WDR25: variants seen among roughly 807,000 people sequenced by gnomAD.
The protein encoded by WDR25 is WD repeat-containing protein 25.
In WDR25, 35 loss-of-function variants were observed where a neutral mutation model predicts 47.7. The ratio of observed to expected loss-of-function variants is 0.73; its 90% CI spans 0.56 to 0.97. The LOEUF (loss-of-function observed/expected upper bound fraction) is 0.97. Ranked by LOEUF, WDR25 falls within the 50% of genes least tolerant of loss-of-function variation. WDR25 has a pLI of 0.00. For missense variants in WDR25, 634 were observed against 704.7 expected (o/e 0.90, Z 1.14); for synonymous variants, 248 against 278.9 (o/e 0.89, Z 1.10).
intron 4 of WDR25, among the ~76,000 whole-genome samples, chr14:100,514,036 C>T (rs568755952): frequency 2.0e-5 from 3 of 151,430 alleles, no homozygotes; most frequent in South Asian, 2.1e-4. Context: ...CCCGGGTTCA[C>T]GCCATTCTCC....
rs1901617766 is a variant in WDR25, at chr14:100,519,303, T to G, written c.1102-6567T>G. Among the ~76,000 whole-genome samples the G allele has an allele frequency of 2.0e-5, 3 of 151,240 alleles. No individual in the cohort carries two copies. In the South Asian group the frequency reaches 6.3e-4, roughly 32 times the overall value. ...AGAGAGAGAGAGATGCATAGTGGGT[T>G]TACTCCATTTCAGGTTTACATTAGA... On this transcript the variant is annotated intron_variant, in intron 4 of 6. Coordinates refer to ENST00000402312, the MANE Select transcript of WDR25 (RefSeq NM_001161476.3).
chr14:100,411,537 C>CTT (rs766546637), intron 2 of WDR25, among the ~76,000 whole-genome samples: 129 of 143,108 alleles, frequency 9.0e-4, no homozygotes, highest in African/African-American at 3.0e-3. Flanking sequence ...TTGCTTTTTG[C>CTT]TTTTTTTTTT....
At chr14:100,455,015 T>C (rs1899155753) in intron 2 of WDR25, 1 of 152,182 alleles carries the variant, frequency 6.6e-6, no homozygotes, top group Non-Finnish European at 1.5e-5. Context: ...CCAAAATTCC[T>C]AGATAAAGCA....
chr14:100,463,876 T>C (rs1030660222), intron 2 of WDR25, among the ~76,000 whole-genome samples: 1 of 152,182 alleles, frequency 6.6e-6, no homozygotes, highest in Non-Finnish European at 1.5e-5. Flanking sequence ...CTGTTGGTTC[T>C]ACCCTCCAAG....
intron 2 of WDR25, among the ~76,000 whole-genome samples, chr14:100,382,843 A>G (rs576724904): frequency 3.3e-5 from 5 of 152,302 alleles, no homozygotes; most frequent in South Asian, 2.1e-4. Context: ...TGTGGAGTCT[A>G]GTGTCTCATT....
At chr14:100,394,783 C>T (rs890132057) in intron 2 of WDR25, among the ~76,000 whole-genome samples, 2 of 152,096 alleles carry the variant, frequency 1.3e-5, no homozygotes, top group South Asian at 2.1e-4. Flanking sequence ...GCCAGGATTT[C>T]GGGGCCAGCC....
chr14:100,401,795 G>A (rs1897389730), intron 2 of WDR25, among the ~76,000 whole-genome samples: 1 of 152,212 alleles, frequency 6.6e-6, no homozygotes, highest in African/African-American at 2.4e-5. Flanking sequence ...CTCTGCTCCT[G>A]GGTGGCTCTG....
chr14:100,449,183 T>C lies in WDR25; in HGVS notation c.823-18838T>C, dbSNP rs572517878. Among the ~76,000 whole-genome samples the C allele has an allele frequency of 6.6e-6, 1 of 152,356 alleles. No homozygotes were observed. The highest frequency in any genetic ancestry group is 2.1e-4 in the South Asian group (1 of 4,830). On this transcript the variant is annotated intron_variant, in intron 2 of 6. Transcript: ENST00000402312. This position sits in a 1 kb window ranked among gnomAD's most constrained non-coding sequence, Gnocchi z 4.2. ...CGGAGAGCATCCTTTACTGGGCTTCTGGATGGAATTTTTGGAGCAAAGGGT... is the reference window on the plus strand; with the variant it reads ...CGGAGAGCATCCTTTACTGGGCTTCCGGATGGAATTTTTGGAGCAAAGGGT...
intron 2 of WDR25, among the ~76,000 whole-genome samples, chr14:100,420,620 T>A (rs536197057): frequency 6.6e-6 from 1 of 152,340 alleles, no homozygotes; most frequent in South Asian, 2.1e-4. Flanking sequence ...AATAACTTTT[T>A]AAAAATATAT....
At chr14:100,476,099 A>G (rs1036487588) in intron 3 of WDR25, among the ~76,000 whole-genome samples, 1 of 152,292 alleles carries the variant, frequency 6.6e-6, no homozygotes, top group Non-Finnish European at 1.5e-5. Context: ...TAGCTCTCCT[A>G]CATACATTAT....
intron 2 of WDR25, among the ~76,000 whole-genome samples, chr14:100,435,563 T>C (rs533149130): frequency 1.9e-3 from 292 of 152,298 alleles, no homozygotes; most frequent in Middle Eastern, 3.4e-3. Context: ...TGTCTTGAAG[T>C]GGAGAGAGCC....
intron 2 of WDR25, among the ~76,000 whole-genome samples, chr14:100,423,332 G>A (rs1002675356): frequency 6.6e-6 from 1 of 152,118 alleles, no homozygotes; most frequent in Non-Finnish European, 1.5e-5. Flanking sequence ...GGAAGCTGTC[G>A]GTGGTTGGCA....
In WDR25 at chr14:100,484,049, T is replaced by C. The variant is rs1313352905; in HGVS notation, c.1026T>C (p.His342=). 12 of 1,613,902 alleles carry C rather than the reference T, an allele frequency of 7.4e-6. No homozygotes were observed. The highest frequency in any genetic ancestry group is 1.0e-5 in the Non-Finnish European group (12 of 1,179,948). The change falls in exon 4 of 7, where the codon CAT becomes CAC. Residue 342 remains histidine (H), a synonymous_variant. Coordinates refer to ENST00000402312, the MANE Select transcript of WDR25 (RefSeq NM_001161476.3). Reference sequence around the variant, plus strand: ...TTAGAATCACTACCTTGAAATTCCATCCAAAAGACCACAACATCTTTTTAT... The same window carrying C: ...TTAGAATCACTACCTTGAAATTCCACCCAAAAGACCACAACATCTTTTTAT... The part of the protein sequence containing the change: ...SDFRITTLKF[H]PKDHNIFLCG...
chr14:100,427,311 C>T (rs566325615), intron 2 of WDR25, among the ~76,000 whole-genome samples: 2 of 152,344 alleles, frequency 1.3e-5, no homozygotes, highest in East Asian at 1.9e-4. Flanking sequence ...CACCAGTGTG[C>T]TCCCACTGCC....
At chr14:100,486,634 G>T (rs145767099) in intron 4 of WDR25, among the ~76,000 whole-genome samples, 117 of 152,258 alleles carry the variant, frequency 7.7e-4, no homozygotes, top group Non-Finnish European at 1.4e-3. Flanking sequence ...AGGGACTCCC[G>T]CCTGGGGCTG....
chr14:100,460,277 T>A (rs1436105625), intron 2 of WDR25, among the ~76,000 whole-genome samples: 1 of 151,932 alleles, frequency 6.6e-6, no homozygotes, highest in African/African-American at 2.4e-5. Context: ...CACGCCCTGC[T>A]AATTTTTTGT....
chr14:100,527,014 C>G (rs2030202210), intron 5 of WDR25, among the ~76,000 whole-genome samples: 3 of 2,298 alleles, frequency 1.3e-3, no homozygotes. Context: ...TCACCAGCAT[C>G]TTTATTGCTG....
At chr14:100,439,024 G>T (rs1191863519) in intron 2 of WDR25, among the ~76,000 whole-genome samples, 2 of 152,194 alleles carry the variant, frequency 1.3e-5, no homozygotes, top group Non-Finnish European at 2.9e-5. Flanking sequence ...GGTGGCTAGG[G>T]CACCCTCCTG....
At chr14:100,429,379 G>C (rs1898262330) in intron 2 of WDR25, among the ~76,000 whole-genome samples, 1 of 152,170 alleles carries the variant, frequency 6.6e-6, no homozygotes, top group Admixed American at 6.5e-5. Flanking sequence ...GAAAGAAAGA[G>C]GAGAAGAAGT....
Sources: gnomAD v4.1 joint callset for allele counts (sites outside exome capture counted in the v4.1 genomes callset) on GRCh38, gnomAD v4.1.1 for gene constraint, Gnocchi (gnomAD v3.1) non-coding constraint, MANE v1.5 for transcripts, NCBI Gene and HGNC (gene_info 2026-07-23, HGNC 2026-07-21) for gene names.